KPNA7: variants seen among roughly 807,000 people sequenced by gnomAD.
The protein encoded by KPNA7 is importin subunit alpha-8.
Under a neutral mutation model 53.7 loss-of-function variants are expected in KPNA7, and 54 were observed. That is an observed-to-expected ratio of 1.01 (90% CI 0.81 to 1.26). The LOEUF (loss-of-function observed/expected upper bound fraction) is 1.26, where lower values mean the gene tolerates loss of function less well. Ranked by LOEUF, KPNA7 falls within the 50% of genes most tolerant of loss-of-function variation. The pLI, the probability that KPNA7 is intolerant of heterozygous loss-of-function variation, is 0.00. For missense variants in KPNA7, 640 were observed against 644.5 expected (o/e 0.99, Z 0.07); for synonymous variants, 276 against 259.3 (o/e 1.06, Z -0.62).
chr7:99,195,418 G>T, intron 4 of KPNA7, 80 bp from the exon 5 acceptor site: 1 of 1,334,090 alleles, frequency 7.5e-7, no homozygotes, highest in Non-Finnish European at 1.0e-6. Flanking sequence ...GCCAGGTGCG[G>T]TGGCTCACAC....
intron 10 of KPNA7, among the ~76,000 whole-genome samples, chr7:99,176,297 C>CA (rs1491289534): frequency 0.19 from 10,452 of 56,024 alleles, 696 homozygotes; most frequent in South Asian, 0.26. Context: ...GACTACGTCT[C>CA]AAAAAAAAAA....
intron 10 of KPNA7, among the ~76,000 whole-genome samples, chr7:99,177,679 C>G (rs1798960078): frequency 6.6e-6 from 1 of 151,500 alleles, no homozygotes. Context: ...AAGCCAGAGG[C>G]AGCCAGACAA....
intron 5 of KPNA7, among the ~76,000 whole-genome samples, chr7:99,193,497 C>A (rs1304806979): frequency 6.6e-6 from 1 of 152,174 alleles, no homozygotes; most frequent in East Asian, 1.9e-4. Context: ...TGGTGACCAG[C>A]CATCAGCTAC....
upstream of KPNA7, among the ~76,000 whole-genome samples, chr7:99,211,626 C>T (rs1394218963): frequency 1.3e-5 from 2 of 152,054 alleles, no homozygotes; most frequent in Admixed American, 6.6e-5. Flanking sequence ...GTAGTCACTG[C>T]GCCAGGGACA....
Position 99,181,023 on chromosome 7 carries a change from G to GTCTCTCTCTCTCTGTGTGTGTGTCTCTC in KPNA7, c.1317+859_1317+860insGAGAGACACACACACAGAGAGAGAGAGA, listed in dbSNP as rs1554462254. ...TCTGTCTCTCTCTCTCTGTGTGTGT[G>GTCTCTCTCTCTCTGTGTGTGTGTCTCTC]TCTCTCTGTGTGTGTCTCTCTCTCT... On this transcript the variant is annotated intron_variant, in intron 9 of 10. Transcript: ENST00000327442. 1.8e-3 allele frequency among the ~76,000 whole-genome samples: 6 copies of GTCTCTCTCTCTCTGTGTGTGTGTCTCTC among 3,362 alleles called. 2 individuals are homozygous for GTCTCTCTCTCTCTGTGTGTGTGTCTCTC. The highest frequency in any genetic ancestry group is 3.4e-3 in the African/African-American group (5 of 1,478). 2.2% of individuals were successfully genotyped at this position (3,362 alleles called of 152,430 possible).
chr7:99,196,109 A>G lies in KPNA7; in HGVS notation c.259T>C (p.Cys87Arg). The G allele has an allele frequency of 6.4e-7, 1 of 1,551,852 alleles. No homozygotes were observed. Among genetic ancestry groups the G allele is most frequent in the Non-Finnish European group, 8.7e-7 (1 of 1,147,012 alleles). The change falls in exon 4 of 11, where the codon TGT becomes CGT. Residue 87 changes from cysteine to arginine, a missense_variant. By Grantham distance (180) the Cys-to-Arg change is radical (BLOSUM62 -3). Transcript: ENST00000327442. ...KGVNSSDPVL[C>R]FQATQTARKM... ...CTGGCTGTCTGGGTGGCCTGGAAAC[A>G]TAGGACTGGATCTGAGCTATTCACA...
chr7:99,183,193 A>T (rs1789365705), intron 8 of KPNA7, among the ~76,000 whole-genome samples: 1 of 152,172 alleles, frequency 6.6e-6, no homozygotes, highest in African/African-American at 2.4e-5. Context: ...CAGAGGTTGC[A>T]GTGAGCCAAA....
At chr7:99,161,446 A>T in the KPNA7 span, among the ~76,000 whole-genome samples, 28 of 152,180 alleles carry the variant, frequency 1.8e-4, no homozygotes, top group Non-Finnish European at 3.4e-4. Context: ...GAGTCTTCAA[A>T]TGAGACCACA....
chr7:99,188,531 C>G lies in KPNA7; in HGVS notation c.669G>C (p.Leu223Phe), dbSNP rs1789760024. ...GGTTCTTGTTTCGGCACAGATTCGACAAGGTCCACGTGATGTTCCGCAGAA... is the reference window on the plus strand; with the variant it reads ...GGTTCTTGTTTCGGCACAGATTCGAGAAGGTCCACGTGATGTTCCGCAGAA... ...ITFLRNITWT[L>F]SNLCRNKNPY... Residue 223 changes from leucine to phenylalanine, a missense_variant, in exon 7 of 11, where the codon TTG (leucine) becomes TTC (phenylalanine). Coordinates refer to ENST00000327442, the MANE Select transcript of KPNA7 (RefSeq NM_001145715.3). The G allele has an allele frequency of 1.3e-6, 2 of 1,551,688 alleles. No individual in the cohort carries two copies. Among genetic ancestry groups the G allele is most frequent in the Non-Finnish European group, 1.7e-6 (2 of 1,146,970 alleles).
At position 99,196,178 on chromosome 7, in the gene KPNA7, G is replaced by A; in HGVS notation, c.202-12C>T. 1 of 1,543,574 alleles carries A rather than the reference G, an allele frequency of 6.5e-7. No individual in the cohort carries two copies. Among genetic ancestry groups the A allele is most frequent in the Admixed American group, 2.0e-5 (1 of 50,966 alleles). Reference sequence around the variant, plus strand: ...AGAGTGAGGCTGACCTGCAAGAAGAGACACATTCAGGTCAGACTGTCTGCC... The same window carrying A: ...AGAGTGAGGCTGACCTGCAAGAAGAAACACATTCAGGTCAGACTGTCTGCC... On this transcript the variant is annotated splice_polypyrimidine_tract_variant and intron_variant, in intron 3 of 10. Coordinates refer to ENST00000327442, the MANE Select transcript of KPNA7 (RefSeq NM_001145715.3).
chr7:99,190,251 C>T (rs748857266), intron 6 of KPNA7, among the ~76,000 whole-genome samples: 4 of 151,062 alleles, frequency 2.6e-5, no homozygotes, highest in Non-Finnish European at 5.9e-5. Context: ...GCAGAAGAAT[C>T]GCTTGAACCC....
intron 3 of KPNA7, among the ~76,000 whole-genome samples, chr7:99,199,801 C>T (rs111741880): frequency 1.4e-4 from 22 of 152,182 alleles, no homozygotes; most frequent in African/African-American, 3.9e-4. Flanking sequence ...AAAGACAACC[C>T]ACAGAACAGA....
the KPNA7 span, among the ~76,000 whole-genome samples, chr7:99,147,802 AT>A: frequency 0.97 from 144,057 of 148,418 alleles, 69,919 homozygotes; most frequent in South Asian, 1. Flanking sequence ...AAAAAAAAAA[AT>A]TTTTTTTTTT....
the KPNA7 span, among the ~76,000 whole-genome samples, chr7:99,161,040 T>G: frequency 2.0e-5 from 3 of 152,132 alleles, no homozygotes; most frequent in African/African-American, 4.8e-5. Context: ...TTCGTATATT[T>G]TAGTAAAGAC....
intron 6 of KPNA7, among the ~76,000 whole-genome samples, chr7:99,189,789 G>A (rs1344778741): frequency 5.3e-5 from 8 of 151,924 alleles, no homozygotes; most frequent in African/African-American, 1.7e-4. Context: ...GGAAAGTCTT[G>A]CTATGTTGCC....
the KPNA7 span, among the ~76,000 whole-genome samples, chr7:99,150,659 G>A: frequency 8.6e-5 from 13 of 151,590 alleles, no homozygotes; most frequent in South Asian, 2.1e-4. Context: ...CAAGTGATCC[G>A]CCAGCCTCAG....
the KPNA7 span, among the ~76,000 whole-genome samples, chr7:99,165,001 C>T: frequency 6.6e-6 from 1 of 151,874 alleles, no homozygotes; most frequent in Non-Finnish European, 1.5e-5. Flanking sequence ...GGAGGCCGAG[C>T]ATGGTGGCAT....
intron 6 of KPNA7, among the ~76,000 whole-genome samples, chr7:99,190,322 C>G (rs1456023433): frequency 7.9e-6 from 1 of 126,052 alleles, no homozygotes; most frequent in African/African-American, 3.1e-5. Flanking sequence ...GGTGACAGAG[C>G]AAGACTCTGT....
intron 1 of KPNA7, among the ~76,000 whole-genome samples, chr7:99,218,058 GA>G (rs1791257610): frequency 1.3e-5 from 2 of 152,110 alleles, no homozygotes; most frequent in Admixed American, 1.3e-4. Context: ...TGCCCAGGTT[GA>G]AGTGATCTCG....
Sources: gnomAD v4.1 joint callset for allele counts (sites outside exome capture counted in the v4.1 genomes callset) on GRCh38, gnomAD v4.1.1 for gene constraint, MANE v1.5 for transcripts, NCBI Gene and HGNC (gene_info 2026-07-23, HGNC 2026-07-21) for gene names.